The following SLIT3 variants were observed in gnomAD, a reference collection of about 807,000 sequenced individuals.
The protein encoded by SLIT3 is slit homolog 3 protein.
Under a neutral mutation model 184.0 loss-of-function variants are expected in SLIT3, and 68 were observed. The ratio of observed to expected loss-of-function variants is 0.37; its 90% CI spans 0.30 to 0.45. The LOEUF (loss-of-function observed/expected upper bound fraction) is 0.45. Ranked by LOEUF, SLIT3 falls within the 20% of genes least tolerant of loss-of-function variation. The probability of loss-of-function intolerance (pLI) is 1.00; values close to 1 mark genes in which losing one functional copy is unlikely to be tolerated. For missense variants in SLIT3, 1,707 were observed against 2,026.0 expected (o/e 0.84, Z 3.02); for synonymous variants, 831 against 828.6 (o/e 1.00, Z -0.05).
intron 11 of SLIT3, 119 bp from the exon 12 acceptor site, chr5:168,786,097 C>T (rs998454658): frequency 2.9e-6 from 2 of 686,912 alleles, no homozygotes; most frequent in African/African-American, 3.5e-5. Context: ...CAACCCCTTC[C>T]ACGGCCTGCC....
rs148792390 is a variant in SLIT3 at position 169,250,093 on chromosome 5, G to A, written c.269+1295C>T. Among the ~76,000 whole-genome samples the A allele has an allele frequency of 3.6e-4, 55 of 152,362 alleles. No individual in the cohort carries two copies. The East Asian group carries it at 0.01, about 28-fold the overall frequency. On this transcript the variant is annotated intron_variant, in intron 2 of 35. Transcript: ENST00000519560. ...CTGCATGGAGGTTAGAAAGCACAGA[G>A]TCTAGGTTCCAATTCCAACTCCTTC...
Position 169,207,370 on chromosome 5 carries a change from T to TACATAC in SLIT3, c.342-13821_342-13820insGTATGT, listed in dbSNP as rs1262446357. On this transcript the variant is annotated intron_variant, in intron 3 of 35. Coordinates refer to ENST00000519560, the MANE Select transcript of SLIT3 (RefSeq NM_003062.4). Reference sequence around the variant, plus strand: ...TTTCTCTGTTTTACATACACATACATACACACACACACACACACACACACA... The same window carrying TACATAC: ...TTTCTCTGTTTTACATACACATACATACATACACACACACACACACACACACACACA... 1.7e-3 allele frequency among the ~76,000 whole-genome samples: 224 copies of TACATAC among 131,932 alleles called. 1 individual carries two copies. Among genetic ancestry groups the TACATAC allele is most frequent in the Admixed American group, 3.6e-3 (47 of 13,216 alleles). The allele number at this position is 131,932 out of a possible 152,430, so 86.6% of individuals were successfully genotyped here. A position where few individuals can be genotyped will look rare whatever the true frequency, so the allele number is the denominator to read the frequency against.
At chr5:168,972,903 C>G (rs921173191) in intron 4 of SLIT3, among the ~76,000 whole-genome samples, 1 of 152,162 alleles carries the variant, frequency 6.6e-6, no homozygotes, top group Admixed American at 6.5e-5. Flanking sequence ...CCCCCCAGGC[C>G]GTGCCACAGA....
intron 7 of SLIT3, 111 bp from the exon 8 acceptor site, chr5:168,817,574 A>T: frequency 9.7e-7 from 1 of 1,026,246 alleles, no homozygotes; most frequent in Non-Finnish European, 1.4e-6. Flanking sequence ...CAGTGTGAAA[A>T]TCCCTAGGAG....
At chr5:168,858,598 C>T (rs750865091) in intron 5 of SLIT3, among the ~76,000 whole-genome samples, 4 of 152,236 alleles carry the variant, frequency 2.6e-5, no homozygotes, top group East Asian at 1.9e-4. Context: ...GTTGGGCTTA[C>T]GCGTTGGGCT....
chr5:169,051,257 A>C (rs1262460329), intron 4 of SLIT3, among the ~76,000 whole-genome samples: 1 of 152,198 alleles, frequency 6.6e-6, no homozygotes. Flanking sequence ...TGGTTCAAAA[A>C]TACACTGCCA....
At chr5:169,079,979 C>A (rs545572440) in intron 4 of SLIT3, among the ~76,000 whole-genome samples, 2 of 150,282 alleles carry the variant, frequency 1.3e-5, no homozygotes, top group African/African-American at 4.9e-5. Flanking sequence ...AGATTATGCA[C>A]GACACTTGTT....
Position 168,883,560 on chromosome 5 carries a change from G to A in SLIT3, c.414-224C>T, listed in dbSNP as rs563532335. ...CCAGGCGGAGCAGCTCGCCTCCAGG[G>A]CAGGCTCTGTGGGTGGTCTCGCACC... On this transcript the variant is annotated intron_variant, in intron 4 of 35. Coordinates refer to ENST00000519560, the MANE Select transcript of SLIT3 (RefSeq NM_003062.4). 7.2e-5 allele frequency among the ~76,000 whole-genome samples: 11 copies of A among 152,344 alleles called. No individual in the cohort carries two copies. The South Asian group carries it at 2.3e-3, about 32-fold the overall frequency.
intron 8 of SLIT3, among the ~76,000 whole-genome samples, chr5:168,806,883 T>A (rs569725404): frequency 1.3e-5 from 2 of 152,166 alleles, no homozygotes; most frequent in African/African-American, 4.8e-5. Context: ...CATGAAAATA[T>A]GCTGCCAGAA....
At chr5:168,942,790 T>C (rs1453603103) in intron 4 of SLIT3, among the ~76,000 whole-genome samples, 2 of 152,142 alleles carry the variant, frequency 1.3e-5, no homozygotes, top group African/African-American at 4.8e-5. Context: ...GAGCCTAGGA[T>C]CAGAATGATA....
chr5:168,810,470 T>C (rs375174819), intron 8 of SLIT3, among the ~76,000 whole-genome samples: 3 of 152,298 alleles, frequency 2.0e-5, no homozygotes, highest in East Asian at 3.9e-4. Flanking sequence ...GCTCTGCATG[T>C]CTTCATTTTT....
At chr5:168,844,540 C>G (rs370520609) in intron 6 of SLIT3, 44 bp downstream of exon 6, 1 of 1,569,514 alleles carries the variant, frequency 6.4e-7, no homozygotes, top group Non-Finnish European at 8.8e-7. Flanking sequence ...CACATACACA[C>G]ACATGCACGC....
intron 3 of SLIT3, among the ~76,000 whole-genome samples, chr5:169,199,724 C>T (rs1488843981): frequency 6.6e-6 from 1 of 152,172 alleles, no homozygotes; most frequent in Non-Finnish European, 1.5e-5. Flanking sequence ...GGGACTTGAA[C>T]CCAGGTGCCT....
intron 9 of SLIT3, among the ~76,000 whole-genome samples, chr5:168,805,686 T>C (rs1756930943): frequency 2.0e-5 from 3 of 152,146 alleles, no homozygotes; most frequent in Admixed American, 6.5e-5. Context: ...ACAAACACCA[T>C]CTTGTGTCAT....
intron 1 of SLIT3, among the ~76,000 whole-genome samples, chr5:169,254,009 T>G (rs1765864349): frequency 6.6e-6 from 1 of 152,170 alleles, no homozygotes; most frequent in Admixed American, 6.5e-5. Flanking sequence ...TGCCTGCCTC[T>G]GCCCACCTCC....
chr5:168,862,800 G>A (rs1041397872), intron 5 of SLIT3, among the ~76,000 whole-genome samples: 11 of 151,778 alleles, frequency 7.2e-5, no homozygotes, highest in African/African-American at 2.2e-4. Context: ...TCAGCTTCCC[G>A]AGTAGCTGGG....
intron 4 of SLIT3, among the ~76,000 whole-genome samples, chr5:169,011,182 C>T (rs1756131853): frequency 6.6e-6 from 1 of 152,152 alleles, no homozygotes; most frequent in Non-Finnish European, 1.5e-5. Flanking sequence ...CTGGCCCAGG[C>T]TCCAGCATCC....
At chr5:168,818,198 T>G (rs1757402700) in intron 7 of SLIT3, among the ~76,000 whole-genome samples, 1 of 152,184 alleles carries the variant, frequency 6.6e-6, no homozygotes. Context: ...TATTTGCTAT[T>G]CTGACTGATT....
At chr5:168,816,693 A>C (rs571731614) in intron 8 of SLIT3, among the ~76,000 whole-genome samples, 11 of 152,346 alleles carry the variant, frequency 7.2e-5, no homozygotes, top group African/African-American at 2.2e-4. Flanking sequence ...TGAGCCCACT[A>C]AACTATAATA....
Sources: allele counts gnomAD v4.1 joint callset (sites outside exome capture counted in the v4.1 genomes callset), GRCh38; gene constraint gnomAD v4.1.1; transcripts MANE v1.5; gene names NCBI Gene and HGNC (gene_info 2026-07-23, HGNC 2026-07-21).